ANO7: variants seen among roughly 807,000 people sequenced by gnomAD.
ANO7 encodes the protein anoctamin-7.
ANO7 carries 114 observed loss-of-function variants against 115.8 expected under a neutral mutation model. That is an observed-to-expected ratio of 0.98 (90% CI 0.85 to 1.15). The LOEUF is 1.15. ANO7 is among the 50% of genes most tolerant of loss of function. ANO7 has a pLI of 0.00. For synonymous variants in ANO7, 550 were observed against 498.2 expected (o/e 1.10, Z -1.38); for missense variants, 1,302 against 1,201.2 (o/e 1.08, Z -1.24).
rs1323887268 is a variant in ANO7, at chr2:241,188,845, G to A, written c.-8+79G>A. The stretch of plus-strand genomic sequence containing the variant: ...TCTAGGGAGGCAGGGCGGCACCCCA[G>A]CCCACCGGGACTTTCACACACCCTG... On this transcript the variant is annotated intron_variant, in intron 1 of 24. Transcript: ENST00000674324. This position sits in a 1 kb window ranked among gnomAD's most constrained non-coding sequence, Gnocchi z 4.3. 2.0e-6 allele frequency: 3 copies of A among 1,529,846 alleles called. No homozygotes were observed. The highest frequency in any genetic ancestry group is 1.8e-6 in the Non-Finnish European group (2 of 1,135,194). 94.8% of individuals were successfully genotyped at this position (1,529,846 alleles called of 1,614,324 possible).
At chr2:241,233,716 TG>T in the ANO7 span, 8 of 1,277,760 alleles carry the variant, frequency 6.3e-6, no homozygotes, top group African/African-American at 1.5e-5. This position sits in a 1 kb window ranked among gnomAD's most constrained non-coding sequence, Gnocchi z 4.3. Context: ...ACTCTCAACT[TG>T]GCCCTCGAAC....
At position 241,218,357 on chromosome 2, in the gene ANO7, C is replaced by A; in HGVS notation, c.2297C>A (p.Ala766Asp). 1 of 1,471,004 alleles carries A rather than the reference C, an allele frequency of 6.8e-7. No individual in the cohort carries two copies. The highest frequency in any genetic ancestry group is 9.0e-7 in the Non-Finnish European group (1 of 1,114,094). The allele number at this position is 1,471,004 out of a possible 1,614,324, so 91.1% of individuals were successfully genotyped here. Reference protein sequence around the residue: ...FTLARAPSSFAAAHNRTCRYR... With the variant: ...FTLARAPSSFDAAHNRTCRYR... ...CTGGCGCGAGCCCCGTCCTCCTTCGCCGCCGCGCACAACCGCACGTGCAGG... is the reference window on the plus strand; with the variant it reads ...CTGGCGCGAGCCCCGTCCTCCTTCGACGCCGCGCACAACCGCACGTGCAGG... Residue 766 changes from alanine to aspartate, a missense_variant, in exon 21 of 25, where the codon GCC becomes GAC. Ala to Asp is a moderately radical substitution (Grantham distance 126, BLOSUM62 -2). Transcript: ENST00000674324.
chr2:241,212,266 C>T (rs1186099923), intron 16 of ANO7, 61 bp downstream of exon 16: 1 of 1,474,418 alleles, frequency 6.8e-7, no homozygotes, highest in Non-Finnish European at 9.5e-7. Context: ...CTCATGTTTC[C>T]CGCTGCCTGG....
downstream of ANO7, chr2:241,229,955 C>G (rs1400306870): frequency 1.3e-6 from 2 of 1,596,378 alleles, no homozygotes; most frequent in East Asian, 4.5e-5. Flanking sequence ...TCCACCACGT[C>G]AGCTAGCTGC....
At chr2:241,202,075 G>A (rs1409371830) in intron 7 of ANO7, 119 bp from the exon 8 acceptor site, 2 of 763,614 alleles carry the variant, frequency 2.6e-6, no homozygotes, top group Non-Finnish European at 4.4e-6. Context: ...GATCGCTATT[G>A]TCACCAGAAG....
Position 241,210,493 on chromosome 2 carries a change from GGTCTGTA to G in ANO7, c.1487_1493del (p.Ser496Ter), listed in dbSNP as rs1279889506. The G allele has an allele frequency of 2.5e-6, 4 of 1,614,070 alleles. No individual in the cohort carries two copies. On this transcript the variant is annotated frameshift_variant, in exon 15 of 25. Transcript: ENST00000674324. LOFTEE classifies it high-confidence loss of function. ...GCCTCTCGCATCGCCAGCCTCACGG[GGTCTGTA>G]GTGAACCTCGTCTTCATCCTCATCC...
intron 19 of ANO7, among the ~76,000 whole-genome samples, chr2:241,216,439 G>T (rs1402771836): frequency 6.6e-6 from 1 of 152,244 alleles, no homozygotes; most frequent in East Asian, 1.9e-4. Flanking sequence ...GCCCAAGAGG[G>T]TTGGCTGAGG....
At position 241,209,448 on chromosome 2, in the gene ANO7, C is replaced by A. The variant is rs2068668705; in HGVS notation, c.1221+20C>A. 6.2e-7 allele frequency: 1 copy of A among 1,600,216 alleles called. No individual in the cohort carries two copies. Among genetic ancestry groups the A allele is most frequent in the African/African-American group, 1.3e-5 (1 of 74,780 alleles). ...ACTGAGGTGAGCCACCCCCGCTGGA[C>A]CACGGTCACACCCGGCGAGGGCCGC... On this transcript the variant is annotated intron_variant, in intron 12 of 24. Transcript: ENST00000674324.
intron 3 of ANO7, among the ~76,000 whole-genome samples, chr2:241,194,682 T>G (rs2068281778): frequency 1.3e-5 from 2 of 151,768 alleles, no homozygotes; most frequent in Non-Finnish European, 2.9e-5. Flanking sequence ...ACTGCAGCAT[T>G]TTGTTATAAT....
chr2:241,194,828 G>A (rs2068285749), intron 3 of ANO7, among the ~76,000 whole-genome samples: 1 of 152,192 alleles, frequency 6.6e-6, no homozygotes, highest in African/African-American at 2.4e-5. Flanking sequence ...ATATAGGTTT[G>A]TTACTCTGCA....
rs2068531116 is a variant in ANO7, at chr2:241,203,931, C to T, written c.889+433C>T. On this transcript the variant is annotated intron_variant, in intron 9 of 24. Transcript: ENST00000674324. This position sits in a 1 kb window ranked among gnomAD's most constrained non-coding sequence, Gnocchi z 4.8. ...CTGTTCCTCCTGGGTCCTGGCTGCC[C>T]TCACCCCACTCAGCTCTTGGCACCC... Among the ~76,000 whole-genome samples, 1 of 152,178 alleles carries T rather than the reference C, an allele frequency of 6.6e-6. No individual in the cohort carries two copies.
intron 21 of ANO7, among the ~76,000 whole-genome samples, chr2:241,221,062 A>T (rs999964425): frequency 7.5e-4 from 114 of 151,530 alleles, no homozygotes; most frequent in African/African-American, 2.7e-3. Flanking sequence ...TTATTTTTTT[A>T]TTTATTTTAT....
downstream of ANO7, chr2:241,230,662 A>G (rs2069632467): frequency 5.6e-6 from 6 of 1,062,456 alleles, no homozygotes; most frequent in East Asian, 1.0e-4. The surrounding 1 kb of genome is among the most constrained non-coding windows in gnomAD (Gnocchi z 5.0). Flanking sequence ...TGGCCTCATC[A>G]TCTTGAGGGG....
At chr2:241,213,112 C>A (rs961326508) in intron 17 of ANO7, among the ~76,000 whole-genome samples, 3 of 152,170 alleles carry the variant, frequency 2.0e-5, no homozygotes, top group African/African-American at 4.8e-5. Context: ...GGCACACAGG[C>A]CCGCAGAGGC....
intron 20 of ANO7, 45 bp from the exon 21 acceptor site, chr2:241,218,194 G>GGGGCGGAGCGGGGGCGCGCAA (rs2068906545): frequency 8.0e-7 from 1 of 1,256,338 alleles, no homozygotes; most frequent in African/African-American, 1.7e-5. Flanking sequence ...GGGGCGCGCA[G>GGGGCGGAGCGGGGGCGCGCAA]GGGCGGAGCG....
intron 4 of ANO7, among the ~76,000 whole-genome samples, chr2:241,196,333 G>A (rs79733954): frequency 0.19 from 28,758 of 152,168 alleles, 3,369 homozygotes; most frequent in Non-Finnish European, 0.27. Flanking sequence ...CTGGGTGTGC[G>A]GGCACAGGCA....
At chr2:241,222,067 G>A (rs974070793) in intron 21 of ANO7, among the ~76,000 whole-genome samples, 1 of 151,666 alleles carries the variant, frequency 6.6e-6, no homozygotes, top group East Asian at 2.0e-4. Context: ...ACCCCGTCTT[G>A]ACTAAAAATA....
the ANO7 span, among the ~76,000 whole-genome samples, chr2:241,233,656 C>T: frequency 6.6e-6 from 1 of 152,136 alleles, no homozygotes; most frequent in Non-Finnish European, 1.5e-5. The surrounding 1 kb of genome is among the most constrained non-coding windows in gnomAD (Gnocchi z 4.3). Flanking sequence ...TGGCAAGTAC[C>T]GAGACACAGC....
At chr2:241,233,377 G>A in the ANO7 span, among the ~76,000 whole-genome samples, 1 of 152,192 alleles carries the variant, frequency 6.6e-6, no homozygotes, top group Admixed American at 6.5e-5. This position sits in a 1 kb window ranked among gnomAD's most constrained non-coding sequence, Gnocchi z 4.3. Flanking sequence ...GTAACAACAA[G>A]AGTTTACTAA....
Sources: allele counts gnomAD v4.1 joint callset (sites outside exome capture counted in the v4.1 genomes callset), GRCh38; gene constraint gnomAD v4.1.1; non-coding constraint Gnocchi (gnomAD v3.1); transcripts MANE v1.5; gene names NCBI Gene and HGNC (gene_info 2026-07-23, HGNC 2026-07-21).